The following POF1B variants were observed in gnomAD, a reference collection of about 807,000 sequenced individuals.
POF1B encodes protein POF1B.
Under a neutral mutation model 55.3 loss-of-function variants are expected in POF1B, and 53 were observed. The ratio of observed to expected loss-of-function variants is 0.96; its 90% CI spans 0.77 to 1.20. The LOEUF (loss-of-function observed/expected upper bound fraction) is 1.20, where lower values mean the gene tolerates loss of function less well. Among genes scored for constraint, POF1B ranks in the 50% most tolerant of loss-of-function variants. The pLI is 0.00. For synonymous variants in POF1B, 188 were observed against 148.3 expected (o/e 1.27, Z -1.95); for missense variants, 478 against 420.5 (o/e 1.14, Z -1.20).
At chrX:85,294,097 C>T (rs933008538) in intron 15 of POF1B, among the ~76,000 whole-genome samples, 2 of 112,148 alleles carry the variant, frequency 1.8e-5, no homozygotes, top group Non-Finnish European at 3.8e-5. Context: ...TTACTGAAAT[C>T]ATTTACTAGG....
At chrX:85,343,334 G>T (rs1227142701) in intron 6 of POF1B, among the ~76,000 whole-genome samples, 1 of 110,744 alleles carries the variant, frequency 9.0e-6, no homozygotes, top group Admixed American at 9.7e-5. Context: ...ACCCAACTTT[G>T]CCCCTTTACT....
At chrX:85,364,786 T>C (rs1453879511) in intron 3 of POF1B, among the ~76,000 whole-genome samples, 1 of 112,139 alleles carries the variant, frequency 8.9e-6, no homozygotes, top group Non-Finnish European at 1.9e-5. Context: ...TAAATTTGAC[T>C]GTTAGCCTCT....
chrX:85,350,069 C>G (rs1269778139), intron 5 of POF1B, among the ~76,000 whole-genome samples: 1 of 110,074 alleles, frequency 9.1e-6, no homozygotes, highest in Admixed American at 9.7e-5. Context: ...TTTTAGGGTA[C>G]ATGTGCACAA....
intron 5 of POF1B, among the ~76,000 whole-genome samples, chrX:85,349,829 G>A (rs1323534358): frequency 9.0e-6 from 1 of 110,801 alleles, no homozygotes; most frequent in Non-Finnish European, 1.9e-5. Context: ...CATACAGTCT[G>A]TGGCACTTTG....
chrX:85,361,240 T>C (rs903571210), intron 3 of POF1B, among the ~76,000 whole-genome samples: 1 of 112,160 alleles, frequency 8.9e-6, no homozygotes, highest in Non-Finnish European at 1.9e-5. Flanking sequence ...TTAGATTTTA[T>C]TTGTCAATTT....
intron 3 of POF1B, among the ~76,000 whole-genome samples, chrX:85,363,637 G>A (rs752557560): frequency 4.5e-5 from 5 of 111,800 alleles, no homozygotes; most frequent in African/African-American, 9.7e-5. Flanking sequence ...CAGTTCTCTT[G>A]CAGTTCCTGA....
chrX:85,374,288 C>A (rs1366141866), intron 2 of POF1B, among the ~76,000 whole-genome samples: 3 of 111,276 alleles, frequency 2.7e-5, no homozygotes, highest in Non-Finnish European at 3.8e-5. Context: ...TTTCTTCATA[C>A]AATTTTCTCT....
At chrX:85,320,354 C>T (rs969708326) in intron 7 of POF1B, among the ~76,000 whole-genome samples, 1 of 110,093 alleles carries the variant, frequency 9.1e-6, no homozygotes, top group Admixed American at 9.8e-5. Context: ...GGGTACATAA[C>T]GAAATGAAGG....
chrX:85,350,494 C>T (rs1330619527), intron 5 of POF1B, among the ~76,000 whole-genome samples: 3 of 110,521 alleles, frequency 2.7e-5, no homozygotes, highest in African/African-American at 6.6e-5. Context: ...AATAAACATA[C>T]GTGTGCATGT....
intron 15 of POF1B, among the ~76,000 whole-genome samples, chrX:85,293,550 G>C (rs187711504): frequency 1.3e-4 from 15 of 112,066 alleles, no homozygotes; most frequent in African/African-American, 4.9e-4. Context: ...AGAGGATCAG[G>C]AAGAATAACT....
At chrX:85,371,592 G>A (rs1463075162) in intron 2 of POF1B, among the ~76,000 whole-genome samples, 2 of 111,098 alleles carry the variant, frequency 1.8e-5, no homozygotes, top group Non-Finnish European at 3.8e-5. Flanking sequence ...ATTTTGCCAC[G>A]TTTATTGCTT....
At chrX:85,286,348 G>T (rs1195412596) in intron 15 of POF1B, among the ~76,000 whole-genome samples, 1 of 110,585 alleles carries the variant, frequency 9.0e-6, no homozygotes, top group Non-Finnish European at 1.9e-5. Context: ...AATGAAACAT[G>T]AAGAAATAAT....
chrX:85,311,669 T>C (rs1932700903), intron 9 of POF1B, among the ~76,000 whole-genome samples: 1 of 112,145 alleles, frequency 8.9e-6, no homozygotes, highest in African/African-American at 3.2e-5. Flanking sequence ...TGTGTATTTA[T>C]AGTAGAATGA....
In POF1B at chrX:85,306,350, A is replaced by C. The variant is rs1932575129; in HGVS notation, c.1165-17T>G. On this transcript the variant is annotated splice_polypyrimidine_tract_variant and intron_variant, in intron 11 of 16. Coordinates refer to ENST00000262753, the MANE Select transcript of POF1B (RefSeq NM_024921.4). Reference sequence around the variant, plus strand: ...AAGTCCTTGCTGTAAAGAAGACACAAGTACATAAGACAAATGCATTTTGTT... The same window carrying C: ...AAGTCCTTGCTGTAAAGAAGACACACGTACATAAGACAAATGCATTTTGTT... 1 of 1,194,569 alleles carries C rather than the reference A, an allele frequency of 8.4e-7. No individual in the cohort carries two copies. The highest frequency in any genetic ancestry group is 1.1e-6 in the Non-Finnish European group (1 of 887,966).
rs145741764 is a variant in POF1B at position 85,297,345 on chromosome X, C to T, written c.1649+6061G>A. ...ACTGATTCTTTCTCATCTGAGCAGG[C>T]ATGTGCTCCTTTGTGTTTTGGATTT... On this transcript the variant is annotated intron_variant, in intron 15 of 16. Coordinates refer to ENST00000262753, the MANE Select transcript of POF1B (RefSeq NM_024921.4). Among the ~76,000 whole-genome samples the T allele has an allele frequency of 1.3e-4, 15 of 112,423 alleles. No individual in the cohort carries two copies. The East Asian group carries it at 3.4e-3, about 25-fold the overall frequency.
intron 15 of POF1B, among the ~76,000 whole-genome samples, chrX:85,286,409 A>T (rs1932056294): frequency 8.9e-6 from 1 of 111,764 alleles, no homozygotes; most frequent in Non-Finnish European, 1.9e-5. Flanking sequence ...TGAGGTAAAT[A>T]GAAAACAAAT....
At chrX:85,371,257 TAA>T (rs1436193137) in intron 2 of POF1B, among the ~76,000 whole-genome samples, 3 of 111,990 alleles carry the variant, frequency 2.7e-5, no homozygotes, top group Non-Finnish European at 5.6e-5. Flanking sequence ...TCTGTGAATA[TAA>T]GAGACCATTC....
intron 7 of POF1B, among the ~76,000 whole-genome samples, chrX:85,323,938 G>T (rs1932869249): frequency 2.7e-5 from 3 of 112,005 alleles, no homozygotes; most frequent in Admixed American, 9.5e-5. Context: ...TCGTTTCAAA[G>T]AATTTCTTGA....
intron 7 of POF1B, among the ~76,000 whole-genome samples, chrX:85,328,633 C>T (rs1932928642): frequency 9.0e-6 from 1 of 110,905 alleles, no homozygotes; most frequent in Non-Finnish European, 1.9e-5. Context: ...TAGTGGTTCT[C>T]AAACTTGATC....
Sources: allele counts gnomAD v4.1 joint callset (sites outside exome capture counted in the v4.1 genomes callset), GRCh38; gene constraint gnomAD v4.1.1; transcripts MANE v1.5; gene names NCBI Gene and HGNC (gene_info 2026-07-23, HGNC 2026-07-21).